Variants in FHOD3 observed in about 807,000 individuals in gnomAD.
FHOD3 encodes the protein formin homology 2 domain containing 3, also known as FH1/FH2 domain-containing protein 3.
A neutral mutation model predicts 173.0 loss-of-function variants in FHOD3; 90 were observed. The ratio of observed to expected loss-of-function variants is 0.52; its 90% CI spans 0.44 to 0.62. The LOEUF (loss-of-function observed/expected upper bound fraction) is 0.62. Among genes scored for constraint, FHOD3 ranks in the 20% least tolerant of loss-of-function variants. The pLI is 0.00. For synonymous variants in FHOD3, 828 were observed against 823.0 expected (o/e 1.01, Z -0.10); for missense variants, 1,945 against 2,034.7 (o/e 0.96, Z 0.85).
At chr18:36,728,565 TG>T (rs1362059787) in intron 19 of FHOD3, among the ~76,000 whole-genome samples, 1 of 151,122 alleles carries the variant, frequency 6.6e-6, no homozygotes. Flanking sequence ...CCAAAACAGC[TG>T]GGATGTTTTC....
At chr18:36,686,902 A>G (rs2038657607) in intron 15 of FHOD3, among the ~76,000 whole-genome samples, 1 of 152,176 alleles carries the variant, frequency 6.6e-6, no homozygotes, top group South Asian at 2.1e-4. Flanking sequence ...TGAATCCAAT[A>G]ATCCTATGTT....
At chr18:36,318,821 C>T (rs1183677400) in intron 1 of FHOD3, among the ~76,000 whole-genome samples, 1 of 152,116 alleles carries the variant, frequency 6.6e-6, no homozygotes, top group South Asian at 2.1e-4. Context: ...GGGAATGCTT[C>T]TAGTTTTTGC....
chr18:36,514,898 T>A (rs2055878363), intron 5 of FHOD3, among the ~76,000 whole-genome samples: 3 of 152,308 alleles, frequency 2.0e-5, no homozygotes, highest in East Asian at 1.9e-4. Flanking sequence ...GTGAGTGCCT[T>A]CCTAGACTCC....
intron 1 of FHOD3, among the ~76,000 whole-genome samples, chr18:36,321,829 T>C (rs2044409554): frequency 6.6e-6 from 1 of 152,194 alleles, no homozygotes; most frequent in African/African-American, 2.4e-5. Context: ...GAGGACTTGC[T>C]TTTCTGTTTC....
Position 36,718,700 on chromosome 18 carries a change from A to G in FHOD3, c.3402A>G (p.Glu1134=), listed in dbSNP as rs773193875. ...ACCTGTTTGAGTCTAAATCCAAGGA[A>G]CTGTCTGTCTCAAAGGTACTGCTAG... The part of the protein sequence containing the change: ...LEHLFESKSK[E]LSVSKKTAAD... Residue 1134 remains glutamate, a synonymous_variant, in exon 19 of 29, where the codon GAA becomes GAG. Transcript: ENST00000590592. 6 of 1,613,168 alleles carry G rather than the reference A, an allele frequency of 3.7e-6. No individual in the cohort carries two copies. The Middle Eastern group carries it at 4.9e-4, about 133-fold the overall frequency.
intron 2 of FHOD3, among the ~76,000 whole-genome samples, chr18:36,359,464 G>A (rs1010121102): frequency 6.6e-6 from 1 of 152,206 alleles, no homozygotes; most frequent in African/African-American, 2.4e-5. Flanking sequence ...AGCATGACCT[G>A]GTGCAGCAGA....
In FHOD3 at chr18:36,652,672, G is replaced by A. The variant is rs926833999; in HGVS notation, c.1389G>A (p.Pro463=). ...CGAATGCCAGCTCGCAGGGAAAGCC[G>A]CTTCTGGTTGGCACTGCAGGCGGGA... ...AVSNASSQGK[P]LLVGTAGGTT... is the part of the protein sequence containing the mutation. Residue 463 remains proline (P), a synonymous_variant, in exon 12 of 29, where the codon CCG becomes CCA. Coordinates refer to ENST00000590592, the MANE Select transcript of FHOD3 (RefSeq NM_001281740.3). 1.6e-5 allele frequency: 24 copies of A among 1,535,662 alleles called. No homozygotes were observed. The highest frequency in any genetic ancestry group is 3.4e-4 in the Middle Eastern group (2 of 5,932).
At chr18:36,298,069 T>A in intron 1 of FHOD3, 69 bp downstream of exon 1, 1 of 1,340,070 alleles carries the variant, frequency 7.5e-7, no homozygotes, top group African/African-American at 1.6e-5. Context: ...CCGGGGTGGG[T>A]CCCGGGGCTT....
At chr18:36,440,394 C>T (rs952703796) in intron 3 of FHOD3, among the ~76,000 whole-genome samples, 1 of 152,230 alleles carries the variant, frequency 6.6e-6, no homozygotes, top group Non-Finnish European at 1.5e-5. Context: ...TCTCCCACTC[C>T]CCTTCCTTAT....
At chr18:36,478,774 A>T (rs563369499) in intron 3 of FHOD3, among the ~76,000 whole-genome samples, 1 of 152,190 alleles carries the variant, frequency 6.6e-6, no homozygotes, top group Admixed American at 6.5e-5. Context: ...CATTAGTCCC[A>T]GCCAAGTTAC....
intron 16 of FHOD3, among the ~76,000 whole-genome samples, chr18:36,687,719 C>A (rs1291627300): frequency 1.3e-5 from 2 of 152,136 alleles, no homozygotes; most frequent in Admixed American, 6.5e-5. Flanking sequence ...GTAGTTGGGA[C>A]TTAGGAATAA....
chr18:36,718,558 G>A lies in FHOD3; in HGVS notation c.3260G>A (p.Arg1087His), dbSNP rs767499972. Residue 1087 changes from arginine to histidine, a missense_variant, in exon 19 of 29, where the codon CGT becomes CAT. Arg to His is a conservative substitution (Grantham distance 29). Coordinates refer to ENST00000590592, the MANE Select transcript of FHOD3 (RefSeq NM_001281740.3). ...PTFTKKKKTI[R>H]LFWNEVRPFD... ...TTCACTAAGAAAAAGAAGACCATCCGTTTGTTCTGGAATGAAGTTCGGCCT... is the reference window on the plus strand; with the variant it reads ...TTCACTAAGAAAAAGAAGACCATCCATTTGTTCTGGAATGAAGTTCGGCCT... The A allele has an allele frequency of 3.0e-5, 49 of 1,614,024 alleles. No individual in the cohort carries two copies. The highest frequency in any genetic ancestry group is 4.5e-5 in the East Asian group (2 of 44,890).
At chr18:36,779,206 G>T in intron 28 of FHOD3, 1 of 546,756 alleles carries the variant, frequency 1.8e-6, no homozygotes, top group Non-Finnish European at 3.3e-6. Flanking sequence ...CACTCCTCTC[G>T]GCCCTCCAAA....
intron 14 of FHOD3, among the ~76,000 whole-genome samples, chr18:36,663,042 G>A (rs886874638): frequency 3.9e-5 from 6 of 151,998 alleles, no homozygotes; most frequent in East Asian, 3.9e-4. Context: ...TTCATTTATT[G>A]TGTGTTTACC....
At chr18:36,686,444 T>C (rs1180307885) in intron 15 of FHOD3, among the ~76,000 whole-genome samples, 1 of 144,522 alleles carries the variant, frequency 6.9e-6, no homozygotes, top group African/African-American at 2.6e-5. Flanking sequence ...TGTCCATGTG[T>C]TCTCACTGTT....
chr18:36,605,957 A>G (rs181504287), intron 8 of FHOD3, among the ~76,000 whole-genome samples: 1 of 152,298 alleles, frequency 6.6e-6, no homozygotes, highest in East Asian at 1.9e-4. Context: ...CTATCCTGGT[A>G]ACTGTTCTAA....
intron 10 of FHOD3, among the ~76,000 whole-genome samples, chr18:36,632,239 T>C (rs1015299987): frequency 5.3e-5 from 8 of 152,248 alleles, no homozygotes; most frequent in African/African-American, 1.9e-4. Flanking sequence ...GAGATTTTCA[T>C]AATTTTTGTA....
rs541997982 is a variant in FHOD3 at position 36,312,640 on chromosome 18, A to C, written c.165+14640A>C. On this transcript the variant is annotated intron_variant, in intron 1 of 28. Coordinates refer to ENST00000590592, the MANE Select transcript of FHOD3 (RefSeq NM_001281740.3). ...TTCTGTTGATTATCCTGCCTCTTGG[A>C]GTCTACCTGCTTCTCCCTCTGGTCC... Among the ~76,000 whole-genome samples the C allele has an allele frequency of 2.6e-5, 4 of 152,254 alleles. No homozygotes were observed. In the South Asian group the frequency reaches 6.2e-4, roughly 24 times the overall value.
Position 36,738,243 on chromosome 18 carries a change from G to A in FHOD3, c.3577-2413G>A, listed in dbSNP as rs545164870. Among the ~76,000 whole-genome samples, 20 of 152,308 alleles carry A rather than the reference G, an allele frequency of 1.3e-4. No individual in the cohort carries two copies. In the South Asian group the frequency reaches 1.9e-3, roughly 14 times the overall value. Reference sequence around the variant, plus strand: ...TATATTCACTGCTCAAGAATATTTAGCTTGGTCCAGTTTTTGGCAGTTATG... The same window carrying A: ...TATATTCACTGCTCAAGAATATTTAACTTGGTCCAGTTTTTGGCAGTTATG... On this transcript the variant is annotated intron_variant, in intron 20 of 28. Coordinates refer to ENST00000590592, the MANE Select transcript of FHOD3 (RefSeq NM_001281740.3).
Sources: allele counts gnomAD v4.1 joint callset (sites outside exome capture counted in the v4.1 genomes callset), GRCh38; gene constraint gnomAD v4.1.1; transcripts MANE v1.5; gene names NCBI Gene and HGNC (gene_info 2026-07-23, HGNC 2026-07-21).